Variants in VPS9D1 observed in about 807,000 individuals in gnomAD.
The protein encoded by VPS9D1 is VPS9 domain-containing protein 1.
VPS9D1 carries 78 observed loss-of-function variants against 75.8 expected under a neutral mutation model. The observed-to-expected ratio is 1.03, with a 90% CI of 0.86 to 1.24. VPS9D1 has a LOEUF of 1.24. Ranked by LOEUF, VPS9D1 falls within the 50% of genes most tolerant of loss-of-function variation. The pLI, the probability that VPS9D1 is intolerant of heterozygous loss-of-function variation, is 0.00. For synonymous variants in VPS9D1, 481 were observed against 385.6 expected, an observed-to-expected ratio of 1.25 and a Z score of -2.90; for missense variants, 1,057 against 847.7, an observed-to-expected ratio of 1.25 and a Z score of -3.07.
chr16:89,712,789 C>G (rs2060967425), intron 4 of VPS9D1, 73 bp from the exon 5 acceptor site: 5 of 1,330,524 alleles, frequency 3.8e-6, no homozygotes, highest in Non-Finnish European at 5.0e-6. Context: ...GAGTCTCTCT[C>G]ATCCTCCCGG....
intron 8 of VPS9D1, chr16:89,711,643 C>A (rs989663221): frequency 2.3e-5 from 15 of 658,838 alleles, no homozygotes; most frequent in Non-Finnish European, 3.5e-5. Context: ...TCGCAGGGAC[C>A]CTCCCTCCTC....
chr16:89,711,725 C>T, intron 8 of VPS9D1, 157 bp downstream of exon 8: 1 of 942,644 alleles, frequency 1.1e-6, no homozygotes, highest in Non-Finnish European at 1.5e-6. Flanking sequence ...CCTGGCCCCG[C>T]CCCCTCACCG....
At chr16:89,710,260 G>C (rs901757236) in intron 10 of VPS9D1, among the ~76,000 whole-genome samples, 1 of 152,176 alleles carries the variant, frequency 6.6e-6, no homozygotes, top group African/African-American at 2.4e-5. Context: ...TGAGAATGAC[G>C]CCTGGACTGT....
chr16:89,714,508 G>C (rs2061015694), intron 4 of VPS9D1, among the ~76,000 whole-genome samples: 1 of 152,212 alleles, frequency 6.6e-6, no homozygotes, highest in Non-Finnish European at 1.5e-5. Context: ...TGGAGGACAA[G>C]GAGGAAAGTC....
intron 2 of VPS9D1, chr16:89,718,010 C>G (rs1489444881): frequency 2.2e-6 from 1 of 454,664 alleles, no homozygotes; most frequent in African/African-American, 2.0e-5. Context: ...CTCTGTGCTC[C>G]CACGTCCAGT....
Position 89,719,032 on chromosome 16 carries a change from G to C in VPS9D1, c.170C>G (p.Thr57Ser). 8 of 1,613,212 alleles carry C rather than the reference G, an allele frequency of 5.0e-6. No individual in the cohort carries two copies. The highest frequency in any genetic ancestry group is 6.8e-6 in the Non-Finnish European group (8 of 1,179,774). The change falls in exon 2 of 15, where the codon ACT becomes AGT. Residue 57 changes from threonine to serine, a missense_variant. Physicochemically the swap from Thr to Ser is moderately conservative, Grantham distance 58. Transcript: ENST00000389386. ...CCCGGCTGGCTGAGCCGTACCTTTA[G>C]TGGTTTCCACTTCTTCTAGTAACAC... ...SQVLLEEVET[T>S]KEAGETVPPD...
intron 2 of VPS9D1, chr16:89,717,335 C>T (rs1007977143): frequency 2.9e-6 from 1 of 350,620 alleles, no homozygotes; most frequent in Non-Finnish European, 5.7e-6. Context: ...GCTTCACTTG[C>T]AACTGCAGGC....
chr16:89,712,026 AG>A lies in VPS9D1; in HGVS notation c.659+20del. 6.5e-7 allele frequency: 1 copy of A among 1,549,142 alleles called. No homozygotes were observed. The highest frequency in any genetic ancestry group is 8.7e-7 in the Non-Finnish European group (1 of 1,146,514). On this transcript the variant is annotated intron_variant, in intron 7 of 14. Coordinates refer to ENST00000389386, the MANE Select transcript of VPS9D1 (RefSeq NM_004913.3). ...GCCAGGCCCTCCCCGCAGCGGCCCC[AG>A]GGGCGGGCAGGAGTCCCACCTGTTG...
chr16:89,719,332 T>TGA lies in VPS9D1; in HGVS notation c.100-232_100-231dup, dbSNP rs60695312. ...CAGACTTGGAAAAGACATCAGGACC[T>TGA]GAGAGAGAGAGAGAGCCAGGGACGA... On this transcript the variant is annotated intron_variant, in intron 1 of 14. Transcript: ENST00000389386. The TGA allele has an allele frequency of 8.4e-3, 5,098 of 605,690 alleles. 150 individuals carry two copies. Among genetic ancestry groups the TGA allele is most frequent in the African/African-American group, 0.083 (4,544 of 54,480 alleles). 37.5% of individuals were successfully genotyped at this position (605,690 alleles called of 1,614,324 possible).
At chr16:89,712,784 T>C (rs1048783906) in intron 4 of VPS9D1, 68 bp from the exon 5 acceptor site, 11 of 1,341,550 alleles carry the variant, frequency 8.2e-6, no homozygotes, top group African/African-American at 3.0e-5. Context: ...CAGAGGAGTC[T>C]CTCTCATCCT....
chr16:89,708,951 T>C lies in VPS9D1; in HGVS notation c.1603A>G (p.Thr535Ala). The C allele has an allele frequency of 1.2e-6, 2 of 1,600,970 alleles. No individual in the cohort carries two copies. Among genetic ancestry groups the C allele is most frequent in the Non-Finnish European group, 1.7e-6 (2 of 1,175,278 alleles). The change falls in exon 13 of 15, where the codon ACC (threonine) becomes GCC (alanine). Residue 535 changes from threonine (T) to alanine (A), a missense_variant. By Grantham distance (58) the Thr-to-Ala change is moderately conservative. Coordinates refer to ENST00000389386, the MANE Select transcript of VPS9D1 (RefSeq NM_004913.3). ...GCACAGACACAGATGATCCGCAGGGTCCGCACTGCGCCCCAGACAGGGTTT... is the reference window on the plus strand; with the variant it reads ...GCACAGACACAGATGATCCGCAGGGCCCGCACTGCGCCCCAGACAGGGTTT... ...PQKKLECIVR[T>A]LRIICVCAED...
At chr16:89,719,188 G>T in intron 1 of VPS9D1, 86 bp from the exon 2 acceptor site, 2 of 1,237,584 alleles carry the variant, frequency 1.6e-6, no homozygotes, top group Non-Finnish European at 2.4e-6. Flanking sequence ...TGTGGGATAA[G>T]CAAGGAACAC....
chr16:89,718,112 T>TA, intron 2 of VPS9D1: 1 of 453,598 alleles, frequency 2.2e-6, no homozygotes, highest in South Asian at 1.6e-5. Flanking sequence ...TCTGTGATCC[T>TA]TTGTGCAGCG....
rs961722966 is a variant in VPS9D1 at position 89,707,896 on chromosome 16, C to A, written c.1861G>T (p.Val621Leu). 2 of 1,613,058 alleles carry A rather than the reference C, an allele frequency of 1.2e-6. No homozygotes were observed. Among genetic ancestry groups the A allele is most frequent in the Non-Finnish European group, 1.7e-6 (2 of 1,179,978 alleles). ...LTSLQSALSY[V>L]ELLPRGGLAK ...AGGCCTCCCCGGGGCAGCAGCTCCA[C>A]GTAGCTCAGGGCACTCTGCAGTGAT... Residue 621 changes from valine to leucine, a missense_variant, in exon 15 of 15, where the codon GTG becomes TTG. By Grantham distance (32) the Val-to-Leu change is conservative (BLOSUM62 1). Coordinates refer to ENST00000389386, the MANE Select transcript of VPS9D1 (RefSeq NM_004913.3).
chr16:89,708,776 G>T (rs551731603), intron 13 of VPS9D1, 81 bp downstream of exon 13: 33 of 1,377,300 alleles, frequency 2.4e-5, no homozygotes, highest in African/African-American at 1.2e-4. Flanking sequence ...AGGCTAAGGG[G>T]CAGGAAGATA....
chr16:89,710,771 C>T lies in VPS9D1; in HGVS notation c.1073G>A (p.Gly358Asp), dbSNP rs1030071758. The change falls in exon 10 of 15, where the codon GGC (glycine) becomes GAC (aspartate). Residue 358 changes from glycine to aspartate, a missense_variant. Gly to Asp is a moderately conservative substitution (Grantham distance 94). Transcript: ENST00000389386. ...CAGGGGTGAGGGAGACCCCACGGGG[C>T]CGGGTTGGAGTGGGGGCGTGGGGGG... ...DSPPTPPLQP[G>D]PVGSPSPLGD... 5 of 1,558,492 alleles carry T rather than the reference C, an allele frequency of 3.2e-6. No homozygotes were observed. Among genetic ancestry groups the T allele is most frequent in the Non-Finnish European group, 3.5e-6 (4 of 1,151,388 alleles).
Position 89,716,568 on chromosome 16 carries a change from C to T in VPS9D1, c.325G>A (p.Gly109Ser), listed in dbSNP as rs191271054. 9,308 of 1,613,958 alleles carry T rather than the reference C, an allele frequency of 5.8e-3. 34 individuals are homozygous for T. The highest frequency in any genetic ancestry group is 6.6e-3 in the Non-Finnish European group (7,817 of 1,179,938). ...TCGGAGTATACACGGCGGTGTCGGC[C>T]GGCAGGCTGGGGAATGGGAGCAGCT... The part of the protein sequence containing the change: ...PAAAPIPQPA[G>S]RHRRVYSDEG... Residue 109 changes from glycine to serine, a missense_variant, in exon 4 of 15, where the codon GGC becomes AGC. Transcript: ENST00000389386.
At chr16:89,714,303 G>A (rs990516626) in intron 4 of VPS9D1, among the ~76,000 whole-genome samples, 1 of 152,152 alleles carries the variant, frequency 6.6e-6, no homozygotes, top group South Asian at 2.1e-4. Context: ...TGTGGCCCAA[G>A]ACAATTCTTC....
At chr16:89,718,958 C>A (rs1363662409) in intron 2 of VPS9D1, 69 bp downstream of exon 2, 4 of 1,384,166 alleles carry the variant, frequency 2.9e-6, no homozygotes, top group Non-Finnish European at 4.1e-6. Context: ...CAGGTGATAG[C>A]CCGCCTCTGC....
Sources: gnomAD v4.1 joint callset for allele counts (sites outside exome capture counted in the v4.1 genomes callset) on GRCh38, gnomAD v4.1.1 for gene constraint, MANE v1.5 for transcripts, NCBI Gene and HGNC (gene_info 2026-07-23, HGNC 2026-07-21) for gene names.